The following SMYD4 variants were observed in gnomAD, a reference collection of about 807,000 sequenced individuals.
SMYD4 encodes the protein protein-lysine N-methyltransferase SMYD4.
In SMYD4, 68 loss-of-function variants were observed where a neutral mutation model predicts 72.8. The observed-to-expected ratio is 0.93, with a 90% CI of 0.77 to 1.14. The LOEUF (loss-of-function observed/expected upper bound fraction) is 1.14, where lower values mean the gene tolerates loss of function less well. Ranked by LOEUF, SMYD4 falls within the 50% of genes most tolerant of loss-of-function variation. The pLI is 0.00. For synonymous variants in SMYD4, 407 were observed against 388.6 expected (o/e 1.05, Z -0.56); for missense variants, 984 against 1,003.7 (o/e 0.98, Z 0.27).
intron 4 of SMYD4, among the ~76,000 whole-genome samples, chr17:1,801,357 G>A (rs991566820): frequency 6.6e-6 from 1 of 151,826 alleles, no homozygotes; most frequent in Non-Finnish European, 1.5e-5. Flanking sequence ...TCCTGCCTCA[G>A]CCTCCTGAGT....
chr17:1,827,734 G>C, intron 2 of SMYD4, 127 bp downstream of exon 2: 1 of 1,287,242 alleles, frequency 7.8e-7, no homozygotes, highest in Non-Finnish European at 1.0e-6. Context: ...CCAGAAATTT[G>C]AGACCAGCCT....
intron 5 of SMYD4, among the ~76,000 whole-genome samples, chr17:1,790,999 C>T (rs1451557735): frequency 6.6e-6 from 1 of 150,472 alleles, no homozygotes; most frequent in Non-Finnish European, 1.5e-5. Flanking sequence ...TGGTGGTGGG[C>T]GCCTGTAGTC....
intron 5 of SMYD4, among the ~76,000 whole-genome samples, chr17:1,788,846 T>C (rs8066706): frequency 0.094 from 14,363 of 152,288 alleles, 1,245 homozygotes; most frequent in African/African-American, 0.23. Context: ...GCTCTACCTG[T>C]GCTGGCTTTT....
At chr17:1,789,520 T>A (rs572727926) in intron 5 of SMYD4, among the ~76,000 whole-genome samples, 9 of 152,252 alleles carry the variant, frequency 5.9e-5, no homozygotes, top group African/African-American at 2.2e-4. Context: ...TCCCAGCACT[T>A]TGGGAGGCCA....
At chr17:1,824,436 G>T (rs1239216533) in intron 2 of SMYD4, among the ~76,000 whole-genome samples, 2 of 152,120 alleles carry the variant, frequency 1.3e-5, no homozygotes, top group Admixed American at 1.3e-4. Flanking sequence ...AAACAAATTT[G>T]TGGATAAGTA....
In SMYD4 at chr17:1,784,381, C is replaced by G. The variant is rs1908534882; in HGVS notation, c.1965G>C (p.Gln655His). The G allele has an allele frequency of 6.2e-7, 1 of 1,614,264 alleles. No homozygotes were observed. The highest frequency in any genetic ancestry group is 8.5e-7 in the Non-Finnish European group (1 of 1,180,052). ...CCACTCTGACCTGCTGCTGTAGGTC[C>G]TGTAACCGAGAGACCAGGTGGTCCC... is the stretch of plus-strand genomic sequence containing the variant. ...VSRDHLVSRL[Q>H]DLQQQVRVAQ... is the part of the protein sequence containing the mutation. The change falls in exon 8 of 11, where the codon CAG becomes CAC. Residue 655 changes from glutamine to histidine, a missense_variant. Physicochemically the swap from Gln to His is conservative, Grantham distance 24. Coordinates refer to ENST00000305513, the MANE Select transcript of SMYD4 (RefSeq NM_052928.3).
intron 5 of SMYD4, among the ~76,000 whole-genome samples, chr17:1,797,629 C>A (rs1364613438): frequency 6.6e-6 from 1 of 152,170 alleles, no homozygotes; most frequent in Non-Finnish European, 1.5e-5. Flanking sequence ...TGGAAGGCTG[C>A]GCTGGGCTGG....
chr17:1,781,209 C>T lies in SMYD4; in HGVS notation c.*77G>A. The T allele has an allele frequency of 1.3e-6, 2 of 1,545,552 alleles. No individual in the cohort carries two copies. The highest frequency in any genetic ancestry group is 8.7e-7 in the Non-Finnish European group (1 of 1,147,994). On this transcript the variant is annotated 3_prime_UTR_variant, in exon 11 of 11. Transcript: ENST00000305513. The stretch of plus-strand genomic sequence containing the variant: ...GTGCTGGGATTACAGGCGTGAGCCA[C>T]CATACCTGGCCAGCAAAACCTCTTT...
At chr17:1,825,321 A>C (rs567960604) in intron 2 of SMYD4, among the ~76,000 whole-genome samples, 15 of 152,254 alleles carry the variant, frequency 9.9e-5, no homozygotes, top group Admixed American at 7.2e-4. Flanking sequence ...GTACCCCTTA[A>C]ACGTATATTT....
intron 1 of SMYD4, among the ~76,000 whole-genome samples, chr17:1,828,674 T>C (rs1449999609): frequency 1.3e-5 from 2 of 150,438 alleles, no homozygotes; most frequent in African/African-American, 4.9e-5. Flanking sequence ...CTCGGCTCAC[T>C]GCACCCTCCG....
intron 7 of SMYD4, among the ~76,000 whole-genome samples, chr17:1,786,569 G>T (rs1908702185): frequency 6.6e-6 from 1 of 152,168 alleles, no homozygotes; most frequent in Non-Finnish European, 1.5e-5. Context: ...GTCTCCCCCA[G>T]ATCCCAAACC....
intron 3 of SMYD4, among the ~76,000 whole-genome samples, chr17:1,806,127 G>A (rs1025671208): frequency 1.2e-4 from 18 of 151,542 alleles, no homozygotes; most frequent in African/African-American, 1.9e-4. Context: ...GGGTTTCACC[G>A]TGTTAGCCAG....
intron 2 of SMYD4, among the ~76,000 whole-genome samples, chr17:1,820,334 G>A (rs980771938): frequency 5.3e-5 from 8 of 151,794 alleles, no homozygotes; most frequent in African/African-American, 1.9e-4. Flanking sequence ...CGACATCCTG[G>A]GCTCAAGCAA....
In SMYD4 at chr17:1,780,066, G is replaced by C. The variant is rs1908288356; in HGVS notation, c.*1220C>G. The C allele has an allele frequency of 6.6e-6, 1 of 152,304 alleles. No individual in the cohort carries two copies. The highest frequency in any genetic ancestry group is 1.5e-5 in the Non-Finnish European group (1 of 68,036). 9.4% of individuals were successfully genotyped at this position (152,304 alleles called of 1,614,324 possible). A position where few individuals can be genotyped will look rare whatever the true frequency, so the allele number is the denominator to read the frequency against. On this transcript the variant is annotated 3_prime_UTR_variant, in exon 11 of 11. Transcript: ENST00000305513. ...AGTCTTTTCTGGGAACTGGGAGTTTGTACTGGAGGCCACTTAACTATTTCA... is the reference window on the plus strand; with the variant it reads ...AGTCTTTTCTGGGAACTGGGAGTTTCTACTGGAGGCCACTTAACTATTTCA...
chr17:1,784,411 G>C lies in SMYD4; in HGVS notation c.1935C>G (p.Val645=). ...CGSRSCAESA[V]SRDHLVSRLQ... ...ACCGAGAGACCAGGTGGTCCCTGCT[G>C]ACGGCGGATTCTGCACAAGATCTGC... Residue 645 remains valine (V), a synonymous_variant, in exon 8 of 11, where the codon GTC becomes GTG. Transcript: ENST00000305513. 6.2e-7 allele frequency: 1 copy of C among 1,614,228 alleles called. No individual in the cohort carries two copies. Among genetic ancestry groups the C allele is most frequent in the South Asian group, 1.1e-5 (1 of 91,092 alleles).
At chr17:1,815,379 T>C (rs1273670064) in intron 2 of SMYD4, among the ~76,000 whole-genome samples, 4 of 152,008 alleles carry the variant, frequency 2.6e-5, no homozygotes, top group African/African-American at 9.7e-5. Flanking sequence ...TTTGATTTTT[T>C]AGTAGAGATG....
At chr17:1,797,409 A>G (rs1909461071) in intron 5 of SMYD4, among the ~76,000 whole-genome samples, 1 of 152,258 alleles carries the variant, frequency 6.6e-6, no homozygotes, top group Non-Finnish European at 1.5e-5. Context: ...ATCTGTTGTC[A>G]GCACAGTCAC....
rs753496607 is a variant in SMYD4 at position 1,827,933 on chromosome 17, G to T, written c.62C>A (p.Thr21Lys). The change falls in exon 2 of 11, where the codon ACG becomes AAG. Residue 21 changes from threonine (T) to lysine (K), a missense_variant. By Grantham distance (78) the Thr-to-Lys change is moderately conservative. Transcript: ENST00000305513. ...YLLQKWASLP[T>K]SVQVTISTAE... is the part of the protein sequence containing the mutation. The stretch of plus-strand genomic sequence containing the variant: ...TGTAGAAATTGTGACCTGAACAGAC[G>T]TCGGGAGTGAAGCCCACTTTTGAAG... 3.7e-6 allele frequency: 6 copies of T among 1,613,518 alleles called. No individual in the cohort carries two copies. The highest frequency in any genetic ancestry group is 5.1e-6 in the Non-Finnish European group (6 of 1,179,594).
chr17:1,794,045 AT>A (rs1567770792), intron 5 of SMYD4, among the ~76,000 whole-genome samples: 2 of 90,960 alleles, frequency 2.2e-5, no homozygotes, highest in African/African-American at 1.1e-4. Flanking sequence ...ATGTATGTAT[AT>A]ATATATGTGT....
Sources: gnomAD v4.1 joint callset for allele counts (sites outside exome capture counted in the v4.1 genomes callset) on GRCh38, gnomAD v4.1.1 for gene constraint, MANE v1.5 for transcripts, NCBI Gene and HGNC (gene_info 2026-07-23, HGNC 2026-07-21) for gene names.